The following ZDHHC6 variants were observed in gnomAD, a reference collection of about 807,000 sequenced individuals.
ZDHHC6 encodes palmitoyltransferase ZDHHC6.
ZDHHC6 carries 32 observed loss-of-function variants against 57.8 expected under a neutral mutation model. The ratio of observed to expected loss-of-function variants is 0.55; its 90% CI spans 0.42 to 0.74. The LOEUF (loss-of-function observed/expected upper bound fraction) is 0.74. Ranked by LOEUF, ZDHHC6 falls within the 30% of genes least tolerant of loss-of-function variation. The pLI is 0.00. For synonymous variants in ZDHHC6, 128 were observed against 158.0 expected, an observed-to-expected ratio of 0.81 and a Z score of 1.42; for missense variants, 433 against 500.7, an observed-to-expected ratio of 0.86 and a Z score of 1.29.
At chr10:112,432,652 A>T in intron 8 of ZDHHC6, 131 bp from the exon 9 acceptor site, 11 of 1,088,176 alleles carry the variant, frequency 1.0e-5, no homozygotes, top group South Asian at 3.8e-5. Context: ...TTCTAGGGGA[A>T]CCTCCCAGTT....
intron 4 of ZDHHC6, 43 bp from the exon 5 acceptor site, chr10:112,440,738 G>C (rs753861433): frequency 6.3e-7 from 1 of 1,580,004 alleles, no homozygotes; most frequent in African/African-American, 1.3e-5. Context: ...GTTTGGTTAT[G>C]GTAACTGGTC....
At chr10:112,440,761 G>C in intron 4 of ZDHHC6, 66 bp from the exon 5 acceptor site, 1 of 1,465,480 alleles carries the variant, frequency 6.8e-7, no homozygotes, top group South Asian at 1.6e-5. Flanking sequence ...ACTCTACTGT[G>C]ACACGTAAAA....
At position 112,432,478 on chromosome 10, in the gene ZDHHC6, G is replaced by C. The variant is rs775094284; in HGVS notation, c.989C>G (p.Pro330Arg). 8 of 1,613,990 alleles carry C rather than the reference G, an allele frequency of 5.0e-6. No homozygotes were observed. The highest frequency in any genetic ancestry group is 5.9e-6 in the Non-Finnish European group (7 of 1,180,016). The change falls in exon 9 of 11, where the codon CCT (proline) becomes CGT (arginine). Residue 330 changes from proline (P) to arginine (R), a missense_variant. Pro to Arg is a moderately radical substitution (Grantham distance 103). Transcript: ENST00000369405. ...VIEDYSGACCPLNKGIKTFFT... is the reference protein window; with the variant it reads ...VIEDYSGACCRLNKGIKTFFT... ...GAAGGTTTTGATTCCTTTATTCAGAGGGCAGCAGGCACCACTATAATCTTC... is the reference window on the plus strand; with the variant it reads ...GAAGGTTTTGATTCCTTTATTCAGACGGCAGCAGGCACCACTATAATCTTC...
downstream of ZDHHC6, chr10:112,426,590 A>C (rs1844728323): frequency 4.8e-6 from 3 of 622,942 alleles, no homozygotes; most frequent in African/African-American, 3.7e-5. Context: ...AATGCTATTC[A>C]GAGAAAACTG....
chr10:112,445,831 G>T (rs753535667), intron 1 of ZDHHC6, among the ~76,000 whole-genome samples, 181 bp from the exon 2 acceptor site: 2 of 152,166 alleles, frequency 1.3e-5, no homozygotes, highest in Non-Finnish European at 2.9e-5. Context: ...CCAAAATATG[G>T]TACAAGTTTG....
At chr10:112,446,065 T>C (rs1846653489) in intron 1 of ZDHHC6, among the ~76,000 whole-genome samples, 1 of 152,180 alleles carries the variant, frequency 6.6e-6, no homozygotes, top group Non-Finnish European at 1.5e-5. Context: ...TGAACCAGAA[T>C]AGAAGGCAAG....
At chr10:112,427,498 T>C (rs532625833), downstream of ZDHHC6, 34 of 712,136 alleles carry the variant, frequency 4.8e-5, no homozygotes, top group African/African-American at 6.1e-4. Context: ...TTTTGTTTTA[T>C]ATTGAGACAT....
intron 7 of ZDHHC6, among the ~76,000 whole-genome samples, chr10:112,433,894 G>T (rs1032860442): frequency 2.0e-5 from 3 of 152,136 alleles, no homozygotes; most frequent in Non-Finnish European, 4.4e-5. Flanking sequence ...AGTCTATGGG[G>T]GTAGGTTAGA....
At position 112,445,360 on chromosome 10, in the gene ZDHHC6, A is replaced by C. The variant is rs1354219027; in HGVS notation, c.77T>G (p.Ile26Arg). 5.0e-6 allele frequency: 8 copies of C among 1,614,256 alleles called. No individual in the cohort carries two copies. The highest frequency in any genetic ancestry group is 6.8e-6 in the Non-Finnish European group (8 of 1,180,054). ...LKRLCHWGPI[I>R]ALGVIAICST... ...ACATATTGCTATAACACCAAGGGCT[A>C]TGATGGGACCCCAGTGACACAGTCT... Residue 26 changes from isoleucine to arginine, a missense_variant, in exon 2 of 11, where the codon ATA becomes AGA. Physicochemically the swap from Ile to Arg is moderately conservative, Grantham distance 97 (BLOSUM62 -3). Transcript: ENST00000369405.
intron 1 of ZDHHC6, among the ~76,000 whole-genome samples, chr10:112,446,164 T>C (rs1846675130): frequency 6.6e-6 from 1 of 152,200 alleles, no homozygotes; most frequent in South Asian, 2.1e-4. Context: ...CTATGCCATT[T>C]GCCTGCAGTC....
At chr10:112,428,781 AAC>A (rs1226955377), downstream of ZDHHC6, among the ~76,000 whole-genome samples, 1 of 151,960 alleles carries the variant, frequency 6.6e-6, no homozygotes, top group East Asian at 1.9e-4. Context: ...AAAAAAAAAA[AAC>A]AAAAACAAAA....
upstream of ZDHHC6, chr10:112,447,324 C>A: frequency 6.3e-7 from 1 of 1,584,246 alleles, no homozygotes; most frequent in Non-Finnish European, 8.6e-7. Flanking sequence ...CCCCTCGAGG[C>A]CCTTTCCCTG....
downstream of ZDHHC6, among the ~76,000 whole-genome samples, chr10:112,430,023 C>G (rs1040823399): frequency 6.6e-6 from 1 of 152,118 alleles, no homozygotes; most frequent in East Asian, 1.9e-4. Context: ...CAAGGATGCC[C>G]GGGTCCGCAG....
At position 112,444,103 on chromosome 10, in the gene ZDHHC6, A is replaced by T. The variant is rs191311327; in HGVS notation, c.268-497T>A. 2.1e-4 allele frequency among the ~76,000 whole-genome samples: 32 copies of T among 152,062 alleles called. No homozygotes were observed. The East Asian group carries it at 2.1e-3, about 10-fold the overall frequency. ...TGTCAAAATAATATTCCTATAATACACCTCTGACTGTGTCAGACTCTGCCT... is the reference window on the plus strand; with the variant it reads ...TGTCAAAATAATATTCCTATAATACTCCTCTGACTGTGTCAGACTCTGCCT... On this transcript the variant is annotated intron_variant, in intron 2 of 10. Coordinates refer to ENST00000369405, the MANE Select transcript of ZDHHC6 (RefSeq NM_022494.3).
At position 112,445,444 on chromosome 10, in the gene ZDHHC6, A is replaced by G. The variant is rs763536798; in HGVS notation, c.-8T>C. On this transcript the variant is annotated 5_prime_UTR_variant, in exon 2 of 11. Transcript: ENST00000369405. ...CGAACAGAATGTACCCATTTTGGCAAGGAAGAATGCCTTCCTACTTTAAAA... is the reference window on the plus strand; with the variant it reads ...CGAACAGAATGTACCCATTTTGGCAGGGAAGAATGCCTTCCTACTTTAAAA... 1.4e-5 allele frequency: 22 copies of G among 1,611,302 alleles called. No individual in the cohort carries two copies. The East Asian group carries it at 4.9e-4, about 36-fold the overall frequency.
At chr10:112,431,011 A>C in intron 10 of ZDHHC6, 104 bp from the exon 11 acceptor site, 9 of 906,628 alleles carry the variant, frequency 9.9e-6, no homozygotes, top group Admixed American at 4.9e-5. Flanking sequence ...TTGTAGTTAG[A>C]CTTTTATTCC....
In ZDHHC6 at chr10:112,432,411, T is replaced by C. The variant is rs1042576067; in HGVS notation, c.1056A>G (p.Gln352=). Residue 352 remains glutamine (Q), a synonymous_variant, in exon 9 of 11, where the codon CAA becomes CAG. Coordinates refer to ENST00000369405, the MANE Select transcript of ZDHHC6 (RefSeq NM_022494.3). The stretch of plus-strand genomic sequence containing the variant: ...TTGTGGCTAAAATGAATTCCCCTTT[T>C]TGCAGCTGTATTCGAGGCTCTTCGG... The part of the protein sequence containing the change: ...PCTEEPRIQL[Q]KGEFILATRG... The C allele has an allele frequency of 3.7e-6, 6 of 1,614,092 alleles. No homozygotes were observed. The highest frequency in any genetic ancestry group is 4.2e-6 in the Non-Finnish European group (5 of 1,180,038).
chr10:112,447,102 T>C, upstream of ZDHHC6: 1 of 475,684 alleles, frequency 2.1e-6, no homozygotes, highest in Non-Finnish European at 3.9e-6. Flanking sequence ...TACGCTTTTC[T>C]GGGGGGAGGC....
At chr10:112,426,219 T>G (rs752039839), downstream of ZDHHC6, 5 of 1,546,296 alleles carry the variant, frequency 3.2e-6, no homozygotes, top group East Asian at 1.1e-4. Context: ...CCTACATAAC[T>G]TCTCTCATGC....
Sources: allele counts gnomAD v4.1 joint callset (sites outside exome capture counted in the v4.1 genomes callset), GRCh38; gene constraint gnomAD v4.1.1; transcripts MANE v1.5; gene names NCBI Gene and HGNC (gene_info 2026-07-23, HGNC 2026-07-21).